TTC28: variants seen among roughly 807,000 people sequenced by gnomAD.
TTC28 encodes the protein tetratricopeptide repeat protein 28.
In TTC28, 61 loss-of-function variants were observed where a neutral mutation model predicts 198.0. The ratio of observed to expected loss-of-function variants is 0.31; its 90% CI spans 0.25 to 0.38. The LOEUF is 0.38. TTC28 is among the 10% of genes least tolerant of loss of function. The probability of loss-of-function intolerance (pLI) is 1.00; values close to 1 mark genes in which losing one functional copy is unlikely to be tolerated. For synonymous variants in TTC28, 1,171 were observed against 1,297.8 expected, an observed-to-expected ratio of 0.90 and a Z score of 2.10; for missense variants, 2,678 against 3,164.0, an observed-to-expected ratio of 0.85 and a Z score of 3.69.
chr22:28,407,211 A>T (rs1410818595), intron 2 of TTC28, among the ~76,000 whole-genome samples: 2 of 152,218 alleles, frequency 1.3e-5, no homozygotes, highest in Non-Finnish European at 2.9e-5. Flanking sequence ...GGGAGAAAAT[A>T]AATAAGAGTT....
chr22:28,077,140 C>G (rs374058226), intron 12 of TTC28, among the ~76,000 whole-genome samples: 1 of 152,148 alleles, frequency 6.6e-6, no homozygotes, highest in Non-Finnish European at 1.5e-5. Context: ...GATTGCACCT[C>G]TATTTATTCA....
chr22:28,336,008 G>A lies in TTC28; in HGVS notation c.382-29365C>T, dbSNP rs1473645069. 6.6e-5 allele frequency among the ~76,000 whole-genome samples: 10 copies of A among 152,206 alleles called. 1 individual carries two copies. Among genetic ancestry groups the A allele is most frequent in the South Asian group, 2.1e-4 (1 of 4,826 alleles). On this transcript the variant is annotated intron_variant, in intron 2 of 22. Transcript: ENST00000397906. ...GATAGCTCTTATTATTTTGAGATAC[G>A]TGCCATCAATACCTAATTTATTGAG...
chr22:28,160,245 C>T (rs1175864661), intron 6 of TTC28, among the ~76,000 whole-genome samples: 1 of 152,160 alleles, frequency 6.6e-6, no homozygotes, highest in Non-Finnish European at 1.5e-5. Context: ...GAATAAATGC[C>T]TGTGGGATGG....
chr22:28,029,429 T>C (rs1938982243), intron 13 of TTC28, among the ~76,000 whole-genome samples: 1 of 152,216 alleles, frequency 6.6e-6, no homozygotes, highest in Admixed American at 6.5e-5. Flanking sequence ...GCCTGTGTTC[T>C]AGGGTCAACC....
chr22:28,551,390 TA>T (rs2049668689), intron 2 of TTC28, among the ~76,000 whole-genome samples: 1 of 152,102 alleles, frequency 6.6e-6, no homozygotes, highest in South Asian at 2.1e-4. Flanking sequence ...GAAGTCAGTA[TA>T]ACCCTAATAA....
At chr22:28,045,405 CCAAGGCCTGG>C (rs1939823131) in intron 12 of TTC28, among the ~76,000 whole-genome samples, 1 of 152,062 alleles carries the variant, frequency 6.6e-6, no homozygotes, top group Admixed American at 6.6e-5. Flanking sequence ...TAGAAAGAGC[CCAAGGCCTGG>C]AGTCTAGGAT....
chr22:28,408,205 T>A (rs1022658917), intron 2 of TTC28, among the ~76,000 whole-genome samples: 1 of 152,192 alleles, frequency 6.6e-6, no homozygotes, highest in Non-Finnish European at 1.5e-5. Context: ...CTATTTTATG[T>A]GGCAAATACA....
At position 28,448,092 on chromosome 22, in the gene TTC28, GAATGTTAA is replaced by G. The variant is rs199853647; in HGVS notation, c.382-141457_382-141450del. On this transcript the variant is annotated intron_variant, in intron 2 of 22. Transcript: ENST00000397906. ...AGAGCTACTAAGCCAGCATAGTTCA[GAATGTTAA>G]AATTTAACATTATTGTTTCAAAGAT... 9.6e-3 allele frequency among the ~76,000 whole-genome samples: 1,462 copies of G among 152,226 alleles called. 26 individuals carry two copies. Among genetic ancestry groups the G allele is most frequent in the African/African-American group, 0.033 (1,362 of 41,550 alleles).
At chr22:28,649,855 T>C (rs1006868933) in intron 1 of TTC28, among the ~76,000 whole-genome samples, 2 of 152,230 alleles carry the variant, frequency 1.3e-5, no homozygotes, top group African/African-American at 4.8e-5. Flanking sequence ...ATTTATGTTA[T>C]ATGCCATTAA....
At chr22:28,334,175 A>G (rs1435376130) in intron 2 of TTC28, among the ~76,000 whole-genome samples, 2 of 152,014 alleles carry the variant, frequency 1.3e-5, no homozygotes, top group Non-Finnish European at 2.9e-5. Context: ...TACAAAGGAC[A>G]TGAACTCATC....
intron 14 of TTC28, among the ~76,000 whole-genome samples, chr22:28,013,036 C>T (rs749705108): frequency 5.5e-5 from 8 of 144,732 alleles, no homozygotes; most frequent in Non-Finnish European, 9.3e-5. Context: ...CCAGAGGGCA[C>T]TGGCAGGTAG....
At chr22:28,247,516 G>A (rs1930194045) in intron 5 of TTC28, among the ~76,000 whole-genome samples, 1 of 152,210 alleles carries the variant, frequency 6.6e-6, no homozygotes, top group African/African-American at 2.4e-5. Flanking sequence ...GCTATACCGT[G>A]AGACAGAGAT....
At chr22:28,059,917 C>T (rs975147105) in intron 12 of TTC28, among the ~76,000 whole-genome samples, 2 of 151,612 alleles carry the variant, frequency 1.3e-5, no homozygotes, top group African/African-American at 4.8e-5. Context: ...CGTTTTCTAC[C>T]CATTTATTTT....
At chr22:28,528,278 T>C (rs2049049412) in intron 2 of TTC28, among the ~76,000 whole-genome samples, 1 of 152,196 alleles carries the variant, frequency 6.6e-6, no homozygotes, top group Admixed American at 6.5e-5. Flanking sequence ...GTAATATATA[T>C]GACAGTAATA....
intron 1 of TTC28, among the ~76,000 whole-genome samples, chr22:28,676,617 T>G (rs1197944872): frequency 6.6e-6 from 1 of 152,050 alleles, no homozygotes; most frequent in Non-Finnish European, 1.5e-5. Context: ...AATGCCTAAT[T>G]TTTCCATTTT....
chr22:28,673,436 C>T (rs548824617), intron 1 of TTC28, among the ~76,000 whole-genome samples: 391 of 152,304 alleles, frequency 2.6e-3, no homozygotes, highest in Non-Finnish European at 4.5e-3. Flanking sequence ...GCTTCCCCCC[C>T]TTACCTGGTA....
At chr22:27,990,102 G>T in intron 20 of TTC28, 95 bp from the exon 21 acceptor site, 1 of 1,451,628 alleles carries the variant, frequency 6.9e-7, no homozygotes, top group Non-Finnish European at 9.2e-7. Flanking sequence ...CCTGTCACTG[G>T]CATCGCTAAT....
intron 2 of TTC28, among the ~76,000 whole-genome samples, chr22:28,386,553 A>C (rs2046598636): frequency 6.6e-6 from 1 of 152,166 alleles, no homozygotes. Flanking sequence ...CTAAAGATTC[A>C]TACCTAAAAT....
chr22:28,387,408 G>C (rs1318748175), intron 2 of TTC28, among the ~76,000 whole-genome samples: 1 of 152,168 alleles, frequency 6.6e-6, no homozygotes, highest in Non-Finnish European at 1.5e-5. Flanking sequence ...AGTTCCCTGA[G>C]GAATCGCCAC....
Sources: gnomAD v4.1 joint callset for allele counts (sites outside exome capture counted in the v4.1 genomes callset) on GRCh38, gnomAD v4.1.1 for gene constraint, MANE v1.5 for transcripts, NCBI Gene and HGNC (gene_info 2026-07-23, HGNC 2026-07-21) for gene names.